Variants in NLGN1 observed in about 807,000 individuals in gnomAD.
The protein encoded by NLGN1 is neuroligin 1.
In NLGN1, 12 loss-of-function variants were observed where a neutral mutation model predicts 65.5. The observed-to-expected ratio is 0.18, with a 90% CI of 0.12 to 0.30. The LOEUF is 0.30. NLGN1 is among the 10% of genes least tolerant of loss of function. The pLI, the probability that NLGN1 is intolerant of heterozygous loss-of-function variation, is 1.00. For synonymous variants in NLGN1, 350 were observed against 359.5 expected, an observed-to-expected ratio of 0.97 and a Z score of 0.30; for missense variants, 750 against 1,007.1, an observed-to-expected ratio of 0.74 and a Z score of 3.46.
chr3:174,060,204 G>A (rs1026302145), intron 4 of NLGN1, among the ~76,000 whole-genome samples: 1 of 152,060 alleles, frequency 6.6e-6, no homozygotes. Context: ...GGGTTCAGCT[G>A]ATGAAATGGT....
intron 4 of NLGN1, among the ~76,000 whole-genome samples, chr3:174,104,690 GA>G (rs1156535554): frequency 1.3e-5 from 2 of 152,194 alleles, no homozygotes; most frequent in African/African-American, 4.8e-5. Context: ...GAGCTTCAGA[GA>G]AAAGATAGGA....
intron 3 of NLGN1, among the ~76,000 whole-genome samples, chr3:173,651,363 G>C (rs752463524): frequency 6.6e-6 from 1 of 151,582 alleles, no homozygotes; most frequent in Non-Finnish European, 1.5e-5. Flanking sequence ...TCGCTCATCT[G>C]TTGATGGACA....
chr3:173,828,049 G>A (rs1043852120), intron 4 of NLGN1, among the ~76,000 whole-genome samples: 1 of 151,964 alleles, frequency 6.6e-6, no homozygotes, highest in Non-Finnish European at 1.5e-5. Context: ...CAGTCACATT[G>A]ACACATGAAA....
At chr3:173,798,289 T>A (rs1714621376) in intron 3 of NLGN1, among the ~76,000 whole-genome samples, 1 of 152,104 alleles carries the variant, frequency 6.6e-6, no homozygotes, top group Non-Finnish European at 1.5e-5. Context: ...TGCTAACCAG[T>A]GAATAAAACC....
At chr3:173,814,522 G>T (rs1718631714) in intron 4 of NLGN1, among the ~76,000 whole-genome samples, 1 of 152,136 alleles carries the variant, frequency 6.6e-6, no homozygotes, top group South Asian at 2.1e-4. Flanking sequence ...CCTCCAAAAT[G>T]GTTTCAAGTG....
At chr3:173,580,844 C>A (rs1746280733) in intron 2 of NLGN1, among the ~76,000 whole-genome samples, 2 of 152,010 alleles carry the variant, frequency 1.3e-5, no homozygotes, top group Admixed American at 6.5e-5. Context: ...ATAGTAATAG[C>A]CATTTGCACT....
intron 2 of NLGN1, among the ~76,000 whole-genome samples, chr3:173,494,472 C>T (rs1227560603): frequency 6.6e-6 from 1 of 151,388 alleles, no homozygotes; most frequent in Non-Finnish European, 1.5e-5. Flanking sequence ...TTATAAATAG[C>T]ATCTCAAGTT....
At chr3:174,018,203 C>T (rs949615413) in intron 4 of NLGN1, among the ~76,000 whole-genome samples, 4 of 152,238 alleles carry the variant, frequency 2.6e-5, no homozygotes, top group Non-Finnish European at 2.9e-5. Context: ...TGGTTATCTC[C>T]CTTGTTCCCT....
chr3:174,253,169 C>T (rs1745074576), intron 4 of NLGN1, among the ~76,000 whole-genome samples: 1 of 149,256 alleles, frequency 6.7e-6, no homozygotes, highest in Non-Finnish European at 1.5e-5. Context: ...ACATAGCTCC[C>T]CTCCAATCTT....
chr3:174,163,135 T>G (rs1375437714), intron 4 of NLGN1, among the ~76,000 whole-genome samples: 1 of 152,002 alleles, frequency 6.6e-6, no homozygotes, highest in African/African-American at 2.4e-5. Context: ...AACTACAGGA[T>G]ACCACTGTCT....
intron 2 of NLGN1, among the ~76,000 whole-genome samples, chr3:173,463,977 T>C (rs563915090): frequency 6.6e-6 from 1 of 152,048 alleles, no homozygotes; most frequent in African/African-American, 2.4e-5. Flanking sequence ...ATGGTAAATA[T>C]CCATAGAGAT....
intron 3 of NLGN1, among the ~76,000 whole-genome samples, chr3:173,744,383 G>T (rs1259343015): frequency 6.6e-6 from 1 of 152,064 alleles, no homozygotes; most frequent in African/African-American, 2.4e-5. Flanking sequence ...AAAAGCAGAT[G>T]CACTCTCTGC....
chr3:174,221,892 A>G lies in NLGN1; in HGVS notation c.647-53423A>G, dbSNP rs76943282. Among the ~76,000 whole-genome samples, 896 of 152,056 alleles carry G rather than the reference A, an allele frequency of 5.9e-3. 23 individuals carry two copies. Among genetic ancestry groups the G allele is most frequent in the East Asian group, 0.029 (151 of 5,178 alleles). ...GGACTTCTCTGTGTCTCTGTGTCGG[A>G]TCTGAATGTTGCTCATGTTTTTTGT... On this transcript the variant is annotated intron_variant, in intron 4 of 6. Coordinates refer to ENST00000457714, the Ensembl canonical transcript of NLGN1.
intron 4 of NLGN1, among the ~76,000 whole-genome samples, chr3:173,987,425 A>G (rs749406607): frequency 2.6e-5 from 4 of 152,198 alleles, no homozygotes; most frequent in Non-Finnish European, 5.9e-5. Context: ...TTGCAGCTAG[A>G]AAAGGAATTC....
At chr3:173,802,135 T>G (rs1275242866) in intron 3 of NLGN1, among the ~76,000 whole-genome samples, 2 of 150,518 alleles carry the variant, frequency 1.3e-5, no homozygotes, top group Non-Finnish European at 3.0e-5. Context: ...GATTGCTTAT[T>G]TAATGTGATT....
Position 173,878,690 on chromosome 3 carries a change from A to G in NLGN1, c.646+70858A>G, listed in dbSNP as rs964955076. ...CACATACATATATAAGTGTGTGTATATATATACACATACATATATAAGTGT... is the reference window on the plus strand; with the variant it reads ...CACATACATATATAAGTGTGTGTATGTATATACACATACATATATAAGTGT... On this transcript the variant is annotated intron_variant, in intron 4 of 6. Transcript: ENST00000457714. Among the ~76,000 whole-genome samples, 7 of 150,708 alleles carry G rather than the reference A, an allele frequency of 4.6e-5. No individual in the cohort carries two copies. In the Admixed American group the frequency reaches 4.7e-4, roughly 10 times the overall value.
intron 3 of NLGN1, among the ~76,000 whole-genome samples, chr3:173,677,686 A>G (rs1209241121): frequency 3.3e-5 from 5 of 152,040 alleles, no homozygotes; most frequent in Admixed American, 1.3e-4. Context: ...ATATAGATAC[A>G]TACATATTTA....
chr3:173,428,373 T>C (rs1716537820), intron 1 of NLGN1, among the ~76,000 whole-genome samples: 1 of 151,910 alleles, frequency 6.6e-6, no homozygotes, highest in African/African-American at 2.4e-5. Flanking sequence ...TTCTACTGTC[T>C]TTTTTTGGCT....
At chr3:173,829,717 A>T (rs1445883107) in intron 4 of NLGN1, among the ~76,000 whole-genome samples, 1 of 152,136 alleles carries the variant, frequency 6.6e-6, no homozygotes, top group Middle Eastern at 3.2e-3. Context: ...AGTTTGTACC[A>T]TTTGACCAAC....
Sources: allele counts gnomAD v4.1 joint callset (sites outside exome capture counted in the v4.1 genomes callset), GRCh38; gene constraint gnomAD v4.1.1; transcripts MANE v1.5; gene names NCBI Gene and HGNC (gene_info 2026-07-23, HGNC 2026-07-21).